The following MICU2 variants were observed in gnomAD, a reference collection of about 807,000 sequenced individuals.
The protein encoded by MICU2 is calcium uptake protein 2, mitochondrial.
In MICU2, 64 loss-of-function variants were observed where a neutral mutation model predicts 60.4. That is an observed-to-expected ratio of 1.06 (90% CI 0.87 to 1.31). MICU2 has a LOEUF of 1.31. Ranked by LOEUF, MICU2 falls within the 50% of genes most tolerant of loss-of-function variation. MICU2 has a pLI of 0.00. For synonymous variants in MICU2, 201 were observed against 175.0 expected (o/e 1.15, Z -1.17); for missense variants, 569 against 531.0 (o/e 1.07, Z -0.70).
chr13:21,594,628 C>T (rs1271515173), intron 1 of MICU2, among the ~76,000 whole-genome samples: 2 of 152,152 alleles, frequency 1.3e-5, no homozygotes, highest in African/African-American at 2.4e-5. Context: ...GGAACAAACC[C>T]AAATGCCCAT....
intron 1 of MICU2, among the ~76,000 whole-genome samples, chr13:21,597,089 T>C (rs1228720694): frequency 2.0e-5 from 3 of 152,146 alleles, no homozygotes; most frequent in Non-Finnish European, 4.4e-5. Context: ...TAAAGACAAA[T>C]ATAAATGTTA....
rs1888539448 is a variant in MICU2 at position 21,589,789 on chromosome 13, TGC to T, written c.210+14148_210+14149del. Among the ~76,000 whole-genome samples the T allele has an allele frequency of 4.5e-5, 3 of 67,026 alleles. No homozygotes were observed. In the Admixed American group the frequency reaches 4.8e-4, roughly 11 times the overall value. 44.0% of individuals were successfully genotyped at this position (67,026 alleles called of 152,430 possible). Reference sequence around the variant, plus strand: ...TCCCACCAAACCACTCACCCCGTAGTGCACTCTCTTTAAATTACCCAATTGAA... The same window carrying T: ...TCCCACCAAACCACTCACCCCGTAGTACTCTCTTTAAATTACCCAATTGAA... On this transcript the variant is annotated intron_variant, in intron 1 of 11. Transcript: ENST00000382374.
At chr13:21,562,549 TA>T (rs1245789986) in intron 2 of MICU2, among the ~76,000 whole-genome samples, 11 of 152,230 alleles carry the variant, frequency 7.2e-5, no homozygotes, top group African/African-American at 2.7e-4. Flanking sequence ...TTATTAAAAA[TA>T]TTTTTTTAGT....
intron 9 of MICU2, among the ~76,000 whole-genome samples, chr13:21,497,278 T>C (rs1055320842): frequency 1.3e-5 from 2 of 151,014 alleles, no homozygotes; most frequent in Non-Finnish European, 1.5e-5. Flanking sequence ...GGCAGGAGAA[T>C]TGTTTAAACC....
At chr13:21,573,209 A>G (rs1249479875) in intron 1 of MICU2, among the ~76,000 whole-genome samples, 1 of 152,214 alleles carries the variant, frequency 6.6e-6, no homozygotes, top group Non-Finnish European at 1.5e-5. Flanking sequence ...ATACTGTTAC[A>G]TGTCAAATAA....
chr13:21,546,295 C>CTTTTTT (rs33921647), intron 2 of MICU2, among the ~76,000 whole-genome samples: 1 of 131,372 alleles, frequency 7.6e-6, no homozygotes, highest in Non-Finnish European at 1.6e-5. Context: ...GATAAAAAGA[C>CTTTTTT]TTTTTTTTTT....
At chr13:21,529,585 CAG>C (rs1302757009) in intron 4 of MICU2, among the ~76,000 whole-genome samples, 1 of 152,210 alleles carries the variant, frequency 6.6e-6, no homozygotes, top group Non-Finnish European at 1.5e-5. Context: ...GGGCCAATGA[CAG>C]AGAGAGACTA....
intron 1 of MICU2, among the ~76,000 whole-genome samples, chr13:21,595,488 A>G (rs1412083503): frequency 6.6e-6 from 1 of 152,278 alleles, no homozygotes; most frequent in African/African-American, 2.4e-5. Context: ...GGTGGCTTCC[A>G]AACAGCTTTA....
At position 21,514,395 on chromosome 13, in the gene MICU2, T is replaced by C; in HGVS notation, c.621A>G (p.Gln207=). The C allele has an allele frequency of 6.2e-7, 1 of 1,613,662 alleles. No homozygotes were observed. Among genetic ancestry groups the C allele is most frequent in the Non-Finnish European group, 8.5e-7 (1 of 1,179,758 alleles). ...TAGTTTTCACTGTCATCAAGTCATCTTGTTTACTTATGATCTTCTGCAGCT... is the reference window on the plus strand; with the variant it reads ...TAGTTTTCACTGTCATCAAGTCATCCTGTTTACTTATGATCTTCTGCAGCT... The part of the protein sequence containing the change: ...FFKLQKIISK[Q]DDLMTVKTNE... The change falls in exon 7 of 12, where the codon CAA becomes CAG. Residue 207 remains glutamine, a synonymous_variant. Transcript: ENST00000382374.
In MICU2 at chr13:21,525,301, T is replaced by G. The variant is rs569979857; in HGVS notation, c.467-2651A>C. Among the ~76,000 whole-genome samples, 5 of 146,972 alleles carry G rather than the reference T, an allele frequency of 3.4e-5. No individual in the cohort carries two copies. The South Asian group carries it at 9.2e-4, about 27-fold the overall frequency. On this transcript the variant is annotated intron_variant, in intron 4 of 11. Coordinates refer to ENST00000382374, the MANE Select transcript of MICU2 (RefSeq NM_152726.3). ...TCCGCCTCCCAGGTTCACGCCATTCTCCTGCCTCAGCCTCCTGAGTAGCTG... is the reference window on the plus strand; with the variant it reads ...TCCGCCTCCCAGGTTCACGCCATTCGCCTGCCTCAGCCTCCTGAGTAGCTG...
intron 4 of MICU2, among the ~76,000 whole-genome samples, chr13:21,538,410 AAATT>A (rs1348263374): frequency 6.6e-6 from 1 of 151,962 alleles, no homozygotes; most frequent in African/African-American, 2.4e-5. Flanking sequence ...GTCTATACTA[AAATT>A]AAAAAAAATT....
rs201925113 is a variant in MICU2 at position 21,591,098 on chromosome 13, TAA to T, written c.210+12839_210+12840del. On this transcript the variant is annotated intron_variant, in intron 1 of 11. Coordinates refer to ENST00000382374, the MANE Select transcript of MICU2 (RefSeq NM_152726.3). ...AAAAGACACAGACTGGCAAATTGAA[TAA>T]AGAGTCAAGACTCATCGGTGTGTTG... Among the ~76,000 whole-genome samples, 819 of 151,502 alleles carry T rather than the reference TAA, an allele frequency of 5.4e-3. 28 individuals are homozygous for T. Among genetic ancestry groups the T allele is most frequent in the Admixed American group, 0.049 (742 of 15,188 alleles).
chr13:21,527,190 G>A (rs1339010872), intron 4 of MICU2, among the ~76,000 whole-genome samples: 1 of 152,094 alleles, frequency 6.6e-6, no homozygotes, highest in Non-Finnish European at 1.5e-5. Context: ...AATTAAATGT[G>A]TTTTGTCATA....
chr13:21,542,705 T>G (rs187996002), intron 2 of MICU2, among the ~76,000 whole-genome samples: 118 of 152,292 alleles, frequency 7.7e-4, no homozygotes, highest in African/African-American at 2.7e-3. Flanking sequence ...GAATTTTGGT[T>G]CAGGAAGTAA....
chr13:21,600,390 C>A (rs1046108633), intron 1 of MICU2, among the ~76,000 whole-genome samples: 1 of 152,200 alleles, frequency 6.6e-6, no homozygotes, highest in Non-Finnish European at 1.5e-5. Flanking sequence ...CACATAATTC[C>A]TTCAGGAAAC....
chr13:21,501,867 C>T (rs1395652977), intron 9 of MICU2, among the ~76,000 whole-genome samples: 1 of 152,108 alleles, frequency 6.6e-6, no homozygotes, highest in East Asian at 1.9e-4. Flanking sequence ...GAGTCTAGAC[C>T]TCTGAATGGG....
chr13:21,529,172 A>G (rs1886928345), intron 4 of MICU2, among the ~76,000 whole-genome samples: 1 of 152,186 alleles, frequency 6.6e-6, no homozygotes, highest in Non-Finnish European at 1.5e-5. Context: ...CTTAGGTAAA[A>G]TTGGAAAGAC....
chr13:21,581,426 G>GT (rs1325829683), intron 1 of MICU2, among the ~76,000 whole-genome samples: 25 of 152,250 alleles, frequency 1.6e-4, no homozygotes, highest in African/African-American at 6.0e-4. Flanking sequence ...TACAGCAGAG[G>GT]TTGTTAACCT....
At chr13:21,603,169 A>T (rs2138084418) in intron 1 of MICU2, among the ~76,000 whole-genome samples, 1 of 152,118 alleles carries the variant, frequency 6.6e-6, no homozygotes, top group African/African-American at 2.4e-5. Context: ...GAGCGGCTTC[A>T]CCATGTTGGC....
Sources: allele counts gnomAD v4.1 joint callset (sites outside exome capture counted in the v4.1 genomes callset), GRCh38; gene constraint gnomAD v4.1.1; transcripts MANE v1.5; gene names NCBI Gene and HGNC (gene_info 2026-07-23, HGNC 2026-07-21).